The following CYP4X1 variants were observed in gnomAD, a reference collection of about 807,000 sequenced individuals.
CYP4X1 encodes the protein cytochrome P450 family 4 subfamily X member 1, also known as cytochrome P450 4X1.
In CYP4X1, 44 loss-of-function variants were observed where a neutral mutation model predicts 57.9. That is an observed-to-expected ratio of 0.76 (90% CI 0.60 to 0.98). The LOEUF is 0.98. Ranked by LOEUF, CYP4X1 falls within the 50% of genes least tolerant of loss-of-function variation. The pLI is 0.00. For synonymous variants in CYP4X1, 227 were observed against 228.6 expected, an observed-to-expected ratio of 0.99 and a Z score of 0.06; for missense variants, 532 against 623.9, an observed-to-expected ratio of 0.85 and a Z score of 1.57.
the CYP4X1 span, among the ~76,000 whole-genome samples, chr1:46,976,800 G>T: frequency 6.6e-6 from 1 of 152,198 alleles, no homozygotes; most frequent in East Asian, 1.9e-4. Context: ...TTGCTGCTCT[G>T]CAGCCTCTGC....
chr1:46,966,500 T>C, the CYP4X1 span, among the ~76,000 whole-genome samples: 1 of 152,146 alleles, frequency 6.6e-6, no homozygotes, highest in African/African-American at 2.4e-5. Context: ...CAGTCACTGC[T>C]TCTCTTGGCT....
upstream of CYP4X1, chr1:47,023,568 C>T (rs1644021333): frequency 3.1e-6 from 4 of 1,279,212 alleles, no homozygotes; most frequent in East Asian, 6.2e-5. Flanking sequence ...TCCAGGAGCG[C>T]AAAAGCAGTT....
At chr1:47,039,294 AT>A in intron 7 of CYP4X1, 47 bp from the exon 8 acceptor site, 1 of 1,488,724 alleles carries the variant, frequency 6.7e-7, no homozygotes, top group Admixed American at 2.2e-5. Context: ...ATCTCCAAAC[AT>A]TTATAAACTG....
At chr1:47,018,788 GA>G (rs1383715255), upstream of CYP4X1, among the ~76,000 whole-genome samples, 1 of 150,906 alleles carries the variant, frequency 6.6e-6, no homozygotes, top group Admixed American at 6.7e-5. Context: ...GAAAAACGGG[GA>G]AAAAAGAAAA....
chr1:46,963,650 T>C, the CYP4X1 span, among the ~76,000 whole-genome samples: 4 of 152,374 alleles, frequency 2.6e-5, no homozygotes, highest in South Asian at 2.1e-4. Flanking sequence ...GTGGGTGACC[T>C]GACCTTTCTC....
intron 4 of CYP4X1, among the ~76,000 whole-genome samples, chr1:47,035,598 C>T (rs187626348): frequency 7.2e-5 from 11 of 152,318 alleles, no homozygotes; most frequent in African/African-American, 2.6e-4. Flanking sequence ...CAGTTTTCTC[C>T]ATGCTCCTTC....
At chr1:47,026,662 A>G (rs1644068766) in intron 1 of CYP4X1, among the ~76,000 whole-genome samples, 1 of 152,018 alleles carries the variant, frequency 6.6e-6, no homozygotes, top group Non-Finnish European at 1.5e-5. Flanking sequence ...AGGTCTTCTG[A>G]TCCATGAACA....
the CYP4X1 span, among the ~76,000 whole-genome samples, chr1:46,989,207 G>T: frequency 5.9e-5 from 9 of 152,036 alleles, no homozygotes; most frequent in Non-Finnish European, 1.3e-4. Context: ...AAAGTCTCAG[G>T]ATACAAAATC....
At chr1:46,964,538 G>A in the CYP4X1 span, among the ~76,000 whole-genome samples, 1 of 152,204 alleles carries the variant, frequency 6.6e-6, no homozygotes, top group African/African-American at 2.4e-5. Context: ...ATCAGCAGTG[G>A]AGGCTGCAGA....
chr1:46,975,340 C>T, the CYP4X1 span, among the ~76,000 whole-genome samples: 2 of 152,124 alleles, frequency 1.3e-5, no homozygotes, highest in Non-Finnish European at 2.9e-5. Context: ...CCCCTGGGAC[C>T]TTTTGTAAGG....
At chr1:46,962,682 A>G in the CYP4X1 span, among the ~76,000 whole-genome samples, 1 of 152,216 alleles carries the variant, frequency 6.6e-6, no homozygotes, top group African/African-American at 2.4e-5. Context: ...TATGTGGTCA[A>G]TTTTGGAATA....
the CYP4X1 span, among the ~76,000 whole-genome samples, chr1:46,984,664 G>A: frequency 1.1e-4 from 17 of 152,176 alleles, no homozygotes; most frequent in African/African-American, 3.9e-4. Context: ...TTGAGGAACA[G>A]TGCATTCCAG....
At chr1:47,046,098 T>A (rs1282165958) in intron 8 of CYP4X1, among the ~76,000 whole-genome samples, 1 of 152,242 alleles carries the variant, frequency 6.6e-6, no homozygotes, top group Admixed American at 6.5e-5. Context: ...AACAACACTT[T>A]AAATAATTTT....
At chr1:47,051,758 A>G (rs1283793412), downstream of CYP4X1, among the ~76,000 whole-genome samples, 3 of 152,162 alleles carry the variant, frequency 2.0e-5, no homozygotes, top group African/African-American at 2.4e-5. Flanking sequence ...TTTTGTCACT[A>G]TTTTGTCAGC....
the CYP4X1 span, among the ~76,000 whole-genome samples, chr1:46,986,520 G>GA: frequency 2.0e-5 from 3 of 152,076 alleles, no homozygotes; most frequent in Non-Finnish European, 4.4e-5. Context: ...TTAAAATTCA[G>GA]AAAAAACAGA....
At chr1:47,011,886 G>A in the CYP4X1 span, among the ~76,000 whole-genome samples, 4,551 of 152,240 alleles carry the variant, frequency 0.03, 100 homozygotes, top group Middle Eastern at 0.071. Context: ...TTAGAATGGC[G>A]ATCATTAAAA....
At chr1:47,009,376 C>A in the CYP4X1 span, among the ~76,000 whole-genome samples, 2 of 151,864 alleles carry the variant, frequency 1.3e-5, no homozygotes, top group Non-Finnish European at 2.9e-5. Flanking sequence ...ACCAAAGACA[C>A]AACATACCAG....
chr1:46,994,705 G>A, the CYP4X1 span, among the ~76,000 whole-genome samples: 1 of 152,138 alleles, frequency 6.6e-6, no homozygotes, highest in Non-Finnish European at 1.5e-5. Context: ...GGAAAGCTTC[G>A]TGAGCTGTCC....
chr1:46,987,980 GAAGC>G, the CYP4X1 span, among the ~76,000 whole-genome samples: 2 of 152,064 alleles, frequency 1.3e-5, no homozygotes, highest in Non-Finnish European at 2.9e-5. Flanking sequence ...AAGAACTAGA[GAAGC>G]AAGAGCAAAC....
Sources: allele counts gnomAD v4.1 joint callset (sites outside exome capture counted in the v4.1 genomes callset), GRCh38; gene constraint gnomAD v4.1.1; transcripts MANE v1.5; gene names NCBI Gene and HGNC (gene_info 2026-07-23, HGNC 2026-07-21).